DEFB131A: variants seen among roughly 807,000 people sequenced by gnomAD.
DEFB131A encodes the protein defensin beta 131A.
Under a neutral mutation model 2.4 loss-of-function variants are expected in DEFB131A, and 5 were observed. That is an observed-to-expected ratio of 2.12 (90% CI 1.11 to 4.47). The LOEUF (loss-of-function observed/expected upper bound fraction) is 4.47. Among genes scored for constraint, DEFB131A ranks in the 30% most tolerant of loss-of-function variants. DEFB131A has a pLI of 0.00. For synonymous variants in DEFB131A, 34 were observed against 25.7 expected, an observed-to-expected ratio of 1.32 and a Z score of -0.97; for missense variants, 120 against 79.9, an observed-to-expected ratio of 1.50 and a Z score of -1.91.
intron 1 of DEFB131A, among the ~76,000 whole-genome samples, chr4:9,446,744 C>T (rs1191656418): frequency 1.3e-5 from 2 of 152,032 alleles, no homozygotes; most frequent in African/African-American, 2.4e-5. Context: ...TCTCTCTTAG[C>T]ACTGTCTTTG....
intron 1 of DEFB131A, among the ~76,000 whole-genome samples, chr4:9,449,971 A>C (rs1262482341): frequency 6.6e-6 from 1 of 152,172 alleles, no homozygotes; most frequent in Non-Finnish European, 1.5e-5. Flanking sequence ...CTCTGATTCA[A>C]GGCCAACCCC....
intron 1 of DEFB131A, among the ~76,000 whole-genome samples, chr4:9,448,760 T>C (rs182151447): frequency 1.8e-4 from 28 of 152,294 alleles, no homozygotes; most frequent in African/African-American, 6.7e-4. Context: ...CTAAAAGCTT[T>C]TCTTCCAAGA....
At chr4:9,446,256 CA>C (rs1418612220) in intron 1 of DEFB131A, among the ~76,000 whole-genome samples, 1 of 151,928 alleles carries the variant, frequency 6.6e-6, no homozygotes, top group Non-Finnish European at 1.5e-5. Flanking sequence ...ATCTAAATCT[CA>C]GGTATAAACC....
chr4:9,450,315 A>G, intron 1 of DEFB131A, 45 bp from the exon 2 acceptor site: 1 of 1,438,262 alleles, frequency 7.0e-7, no homozygotes, highest in Non-Finnish European at 9.2e-7. Context: ...TAACAATAAA[A>G]AGTAAGTAAT....
chr4:9,445,449 G>A (rs541504614), intron 1 of DEFB131A, among the ~76,000 whole-genome samples: 90 of 152,044 alleles, frequency 5.9e-4, no homozygotes, highest in South Asian at 1.5e-3. Context: ...TAATCAATAC[G>A]ACTTTCCCAC....
At chr4:9,445,803 G>A (rs540163930) in intron 1 of DEFB131A, among the ~76,000 whole-genome samples, 1 of 152,194 alleles carries the variant, frequency 6.6e-6, no homozygotes, top group South Asian at 2.1e-4. Flanking sequence ...TCCAGAATAT[G>A]TTTATAACCG....
At chr4:9,444,755 G>A (rs1426824109) in intron 1 of DEFB131A, among the ~76,000 whole-genome samples, 164 bp downstream of exon 1, 1 of 152,016 alleles carries the variant, frequency 6.6e-6, no homozygotes, top group Non-Finnish European at 1.5e-5. Flanking sequence ...AAATAAGGTG[G>A]TTCACTGCAG....
rs2108837413 is a variant in DEFB131A, at chr4:9,447,061, C to G, written c.58+2470C>G. On this transcript the variant is annotated intron_variant, in intron 1 of 1. Coordinates refer to ENST00000334879, the MANE Select transcript of DEFB131A (RefSeq NM_001040448.3). ...GATGAGGAGAAGAATGTGTACTCCA[C>G]AGCTATTGGATGAAGTGTTCTGTAA... Among the ~76,000 whole-genome samples the G allele has an allele frequency of 2.0e-5, 3 of 152,210 alleles. 1 individual carries two copies. Among genetic ancestry groups the G allele is most frequent in the Admixed American group, 2.0e-4 (3 of 15,276 alleles).
chr4:9,446,521 G>A (rs1432763071), intron 1 of DEFB131A, among the ~76,000 whole-genome samples: 2 of 151,960 alleles, frequency 1.3e-5, no homozygotes, highest in Non-Finnish European at 1.5e-5. Flanking sequence ...TATAAAGTCT[G>A]TTTATCTCTT....
chr4:9,450,405 A>T lies in DEFB131A; in HGVS notation c.104A>T (p.His35Leu), dbSNP rs761417378. 1.6e-5 allele frequency: 25 copies of T among 1,603,184 alleles called. No homozygotes were observed. The highest frequency in any genetic ancestry group is 2.3e-4 in the Middle Eastern group (1 of 4,426). Residue 35 changes from histidine to leucine, a missense_variant, in exon 2 of 2, where the codon CAT (histidine) becomes CTT (leucine). By Grantham distance (99) the His-to-Leu change is moderately conservative. Coordinates refer to ENST00000334879, the MANE Select transcript of DEFB131A (RefSeq NM_001040448.3). Reference sequence around the variant, plus strand: ...GATGAATGTCCTTCAGAATATTATCATTGCAGACTGAAGTGCAATGCTGAT... The same window carrying T: ...GATGAATGTCCTTCAGAATATTATCTTTGCAGACTGAAGTGCAATGCTGAT... ...SNDECPSEYYHCRLKCNADEH... is the reference protein window; with the variant it reads ...SNDECPSEYYLCRLKCNADEH...
chr4:9,448,584 A>G (rs1717566792), intron 1 of DEFB131A, among the ~76,000 whole-genome samples: 1 of 152,150 alleles, frequency 6.6e-6, no homozygotes, highest in African/African-American at 2.4e-5. Flanking sequence ...TTGGCCTCCC[A>G]AAGTACCAGG....
intron 1 of DEFB131A, among the ~76,000 whole-genome samples, chr4:9,446,093 A>G (rs1257903207): frequency 6.6e-5 from 10 of 152,170 alleles, no homozygotes; most frequent in Non-Finnish European, 1.3e-4. Context: ...ATTTTATAGT[A>G]AATTCTATCT....
chr4:9,449,607 A>C (rs1181580318), intron 1 of DEFB131A, among the ~76,000 whole-genome samples: 2 of 151,838 alleles, frequency 1.3e-5, no homozygotes, highest in Non-Finnish European at 2.9e-5. Flanking sequence ...AAGAAAACAT[A>C]AGGAGAACCT....
intron 1 of DEFB131A, among the ~76,000 whole-genome samples, chr4:9,447,005 C>T (rs1717520695): frequency 6.6e-6 from 1 of 152,046 alleles, no homozygotes; most frequent in African/African-American, 2.4e-5. Flanking sequence ...TGTGTCTTAA[C>T]ATATGGTCCA....
chr4:9,447,961 C>G (rs1295787297), intron 1 of DEFB131A, among the ~76,000 whole-genome samples: 1 of 151,514 alleles, frequency 6.6e-6, no homozygotes, highest in East Asian at 1.9e-4. Flanking sequence ...AGGCCAATTA[C>G]AAAAGGAACA....
In DEFB131A at chr4:9,450,645, A is replaced by G. The variant is rs1204539584; in HGVS notation, c.*131A>G. On this transcript the variant is annotated 3_prime_UTR_variant, in exon 2 of 2. Transcript: ENST00000334879. Reference sequence around the variant, plus strand: ...TTTAGATGGTCAGGTGAAAATGAATATAAATTTTATAAATGCTTCCACTCT... The same window carrying G: ...TTTAGATGGTCAGGTGAAAATGAATGTAAATTTTATAAATGCTTCCACTCT... 5.5e-6 allele frequency: 7 copies of G among 1,277,244 alleles called. No homozygotes were observed. The highest frequency in any genetic ancestry group is 7.5e-6 in the Non-Finnish European group (7 of 929,880). 79.1% of individuals were successfully genotyped at this position (1,277,244 alleles called of 1,614,324 possible).
At chr4:9,446,679 T>C (rs1268368249) in intron 1 of DEFB131A, among the ~76,000 whole-genome samples, 1 of 152,116 alleles carries the variant, frequency 6.6e-6, no homozygotes, top group Non-Finnish European at 1.5e-5. Flanking sequence ...AGGTGCATAG[T>C]AGCTTGTTTA....
chr4:9,445,044 C>A (rs1208085534), intron 1 of DEFB131A, among the ~76,000 whole-genome samples: 1 of 152,114 alleles, frequency 6.6e-6, no homozygotes. Context: ...CATGCCACTG[C>A]ACACCAGCCT....
At chr4:9,445,757 A>G (rs1218685131) in intron 1 of DEFB131A, among the ~76,000 whole-genome samples, 3 of 152,110 alleles carry the variant, frequency 2.0e-5, no homozygotes, top group African/African-American at 7.2e-5. Flanking sequence ...TTATCAGTGT[A>G]TTCTTAAAAT....
Sources: allele counts gnomAD v4.1 joint callset (sites outside exome capture counted in the v4.1 genomes callset), GRCh38; gene constraint gnomAD v4.1.1; transcripts MANE v1.5; gene names NCBI Gene and HGNC (gene_info 2026-07-23, HGNC 2026-07-21).